Variants in KLHL28 observed in about 807,000 individuals in gnomAD.
KLHL28 encodes kelch-like protein 28.
KLHL28 carries 22 observed loss-of-function variants against 48.3 expected under a neutral mutation model. The observed-to-expected ratio is 0.46, with a 90% CI of 0.33 to 0.65. The LOEUF (loss-of-function observed/expected upper bound fraction) is 0.65. KLHL28 is among the 30% of genes least tolerant of loss of function. The probability of loss-of-function intolerance (pLI) is 0.03; values close to 1 mark genes in which losing one functional copy is unlikely to be tolerated. For missense variants in KLHL28, 527 were observed against 704.3 expected (o/e 0.75, Z 2.85); for synonymous variants, 243 against 242.4 (o/e 1.00, Z -0.02).
At chr14:44,948,100 A>AC (rs1884413573) in intron 1 of KLHL28, among the ~76,000 whole-genome samples, 1 of 152,206 alleles carries the variant, frequency 6.6e-6, no homozygotes, top group African/African-American at 2.4e-5. Flanking sequence ...TAGACTTAAA[A>AC]GTAAAGAATG....
intron 3 of KLHL28, among the ~76,000 whole-genome samples, chr14:44,932,782 A>G (rs548582272): frequency 5.3e-4 from 80 of 152,326 alleles, no homozygotes; most frequent in African/African-American, 1.9e-3. Flanking sequence ...TTTGGGCAGA[A>G]GCTTTTCAAA....
Position 44,925,243 on chromosome 14 carries a change from T to C in KLHL28, c.*3785A>G, listed in dbSNP as rs1169504554. Reference sequence around the variant, plus strand: ...TCTGATTTTCCTGAAAATGAGCACTTAGGTGACAATACCAGGAATCCAACA... The same window carrying C: ...TCTGATTTTCCTGAAAATGAGCACTCAGGTGACAATACCAGGAATCCAACA... On this transcript the variant is annotated 3_prime_UTR_variant, in exon 5 of 5. Coordinates refer to ENST00000396128, the MANE Select transcript of KLHL28 (RefSeq NM_017658.5). 6.6e-6 allele frequency: 1 copy of C among 152,102 alleles called. No homozygotes were observed. The highest frequency in any genetic ancestry group is 1.5e-5 in the Non-Finnish European group (1 of 67,974). 9.4% of individuals were successfully genotyped at this position (152,102 alleles called of 1,614,324 possible).
intron 3 of KLHL28, 72 bp from the exon 4 acceptor site, chr14:44,931,613 C>G (rs1306332504): frequency 9.2e-7 from 1 of 1,089,322 alleles, no homozygotes; most frequent in African/African-American, 1.6e-5. Context: ...AAAACTAAAA[C>G]CCACTACAGC....
intron 2 of KLHL28, among the ~76,000 whole-genome samples, chr14:44,943,110 G>A (rs1049230766): frequency 4.6e-5 from 7 of 152,078 alleles, no homozygotes; most frequent in African/African-American, 1.7e-4. Context: ...CAAAAGATAT[G>A]AACAGGTCTT....
intron 2 of KLHL28, among the ~76,000 whole-genome samples, chr14:44,941,955 A>G (rs554313782): frequency 2.0e-5 from 3 of 152,234 alleles, no homozygotes; most frequent in Non-Finnish European, 4.4e-5. Context: ...TAAACTGTCA[A>G]TAACTCCATC....
chr14:44,940,680 T>C (rs923752434), intron 2 of KLHL28, among the ~76,000 whole-genome samples: 2 of 152,160 alleles, frequency 1.3e-5, no homozygotes, highest in African/African-American at 4.8e-5. Context: ...TAAACCTCAA[T>C]TGTCTTGAGG....
chr14:44,952,940 G>A (rs375247315), intron 1 of KLHL28, among the ~76,000 whole-genome samples: 1 of 151,702 alleles, frequency 6.6e-6, no homozygotes, highest in Non-Finnish European at 1.5e-5. Flanking sequence ...AGAACAGGGA[G>A]TAAAAGCATT....
chr14:44,959,033 GAT>G (rs1483071598), intron 1 of KLHL28, among the ~76,000 whole-genome samples: 6 of 150,564 alleles, frequency 4.0e-5, no homozygotes, highest in Non-Finnish European at 7.4e-5. Context: ...ATCCAAAAAG[GAT>G]AGATTAAAAT....
At chr14:44,936,517 A>G (rs564540076) in intron 2 of KLHL28, among the ~76,000 whole-genome samples, 2 of 152,266 alleles carry the variant, frequency 1.3e-5, no homozygotes, top group African/African-American at 2.4e-5. Flanking sequence ...TTTCAGTAGA[A>G]TAAGAGGTAA....
chr14:44,956,019 T>C (rs1884781049), intron 1 of KLHL28, among the ~76,000 whole-genome samples: 1 of 152,220 alleles, frequency 6.6e-6, no homozygotes, highest in African/African-American at 2.4e-5. Context: ...ACGATGCTAA[T>C]GTAGCAACTC....
rs781423286 is a variant in KLHL28 at position 44,934,103 on chromosome 14, TAA to T, written c.1343+10_1343+11del. 6.5e-7 allele frequency: 1 copy of T among 1,548,220 alleles called. No individual in the cohort carries two copies. The highest frequency in any genetic ancestry group is 2.0e-5 in the Admixed American group (1 of 51,052). ...CCATAAACATATGCAATTTAATTAT[TAA>T]GTTAAATACCTGTTCATGTGGGCAG... On this transcript the variant is annotated intron_variant, in intron 3 of 4. Transcript: ENST00000396128.
At chr14:44,960,957 A>G in intron 1 of KLHL28, 2 of 1,418,574 alleles carry the variant, frequency 1.4e-6, no homozygotes, top group Non-Finnish European at 1.9e-6. Flanking sequence ...GATAACTTAG[A>G]CTTTTCGCAC....
At chr14:44,938,175 C>T (rs1424643154) in intron 2 of KLHL28, among the ~76,000 whole-genome samples, 2 of 152,072 alleles carry the variant, frequency 1.3e-5, no homozygotes, top group African/African-American at 2.4e-5. Context: ...CATATATAAG[C>T]GAGAGTCAAG....
intron 3 of KLHL28, among the ~76,000 whole-genome samples, chr14:44,932,679 A>G (rs1388079839): frequency 6.6e-6 from 1 of 152,202 alleles, no homozygotes; most frequent in African/African-American, 2.4e-5. Context: ...GATAGAATCC[A>G]TTAGACCAAA....
intron 1 of KLHL28, among the ~76,000 whole-genome samples, chr14:44,952,008 A>G (rs1480799930): frequency 2.0e-5 from 3 of 152,102 alleles, no homozygotes; most frequent in Non-Finnish European, 4.4e-5. Flanking sequence ...ACAGGCACAC[A>G]TCACCACGCC....
At chr14:44,932,328 G>A (rs147938667) in intron 3 of KLHL28, among the ~76,000 whole-genome samples, 296 of 152,052 alleles carry the variant, frequency 1.9e-3, no homozygotes, top group African/African-American at 6.8e-3. Context: ...AATCACTGTA[G>A]ATTGCATAGT....
intron 2 of KLHL28, among the ~76,000 whole-genome samples, chr14:44,944,740 CAGAAAGAAAAAA>C (rs1884249190): frequency 6.6e-6 from 1 of 151,346 alleles, no homozygotes; most frequent in East Asian, 1.9e-4. Context: ...TAAATGGTTC[CAGAAAGAAAAAA>C]AGAAAGAAAG....
intron 4 of KLHL28, 93 bp from the exon 5 acceptor site, chr14:44,929,284 T>C: frequency 9.0e-7 from 1 of 1,106,084 alleles, no homozygotes; most frequent in Non-Finnish European, 1.3e-6. Flanking sequence ...AATGTTTTAT[T>C]AAAATACATT....
chr14:44,942,203 A>G (rs920575325), intron 2 of KLHL28, among the ~76,000 whole-genome samples: 1 of 152,136 alleles, frequency 6.6e-6, no homozygotes, highest in East Asian at 1.9e-4. Context: ...CCATGTAATC[A>G]TCTAATCAAA....
Sources: allele counts gnomAD v4.1 joint callset (sites outside exome capture counted in the v4.1 genomes callset), GRCh38; gene constraint gnomAD v4.1.1; transcripts MANE v1.5; gene names NCBI Gene and HGNC (gene_info 2026-07-23, HGNC 2026-07-21).